Variants in GATB observed in about 807,000 individuals in gnomAD.
GATB encodes glutamyl-tRNA amidotransferase subunit B.
A neutral mutation model predicts 62.3 loss-of-function variants in GATB; 39 were observed. The observed-to-expected ratio is 0.63, with a 90% CI of 0.48 to 0.82. GATB has a LOEUF of 0.82. GATB is among the 40% of genes least tolerant of loss of function. The pLI is 0.00. For missense variants in GATB, 670 were observed against 684.0 expected (o/e 0.98, Z 0.23); for synonymous variants, 276 against 258.9 (o/e 1.07, Z -0.63).
At chr4:151,704,540 G>A (rs1272821063) in intron 7 of GATB, among the ~76,000 whole-genome samples, 9 of 151,418 alleles carry the variant, frequency 5.9e-5, no homozygotes, top group African/African-American at 1.9e-4. Flanking sequence ...TGCAAGCTCC[G>A]CCTCCTGGGT....
Position 151,701,340 on chromosome 4 carries a change from A to G in GATB, c.1186T>C (p.Phe396Leu). 6.4e-7 allele frequency: 1 copy of G among 1,553,790 alleles called. No individual in the cohort carries two copies. ...CGATCGATACCTACCAGCAAAGTGA[A>G]GCTGTGTTCCAGCAGCATCCCATAC... The part of the protein sequence containing the change: ...QQYGMLLEHS[F>L]TLLNEVGLLE... Residue 396 changes from phenylalanine to leucine, a missense_variant, in exon 9 of 13, where the codon TTC becomes CTC. Physicochemically the swap from Phe to Leu is conservative, Grantham distance 22 (BLOSUM62 0). Coordinates refer to ENST00000263985, the MANE Select transcript of GATB (RefSeq NM_004564.3).
Position 151,705,186 on chromosome 4 carries a change from C to T in GATB, c.961G>A (p.Gly321Arg), listed in dbSNP as rs377255036. ...GGACGCTCAGCAATGCGAACTCACC[C>T]CAGCTTGTGATGAAATGAGCGTGTT... Reference protein sequence around the residue: ...NETRSFHHKLGCTMSMRDKEG... With the variant: ...NETRSFHHKLRCTMSMRDKEG... Residue 321 changes from glycine (G) to arginine (R), a missense_variant and splice_region_variant, in exon 7 of 13, where the codon GGG becomes AGG. By Grantham distance (125) the Gly-to-Arg change is moderately radical (BLOSUM62 -2). Transcript: ENST00000263985. 2.5e-6 allele frequency: 4 copies of T among 1,609,794 alleles called. No homozygotes were observed. Among genetic ancestry groups the T allele is most frequent in the Non-Finnish European group, 3.4e-6 (4 of 1,176,332 alleles).
intron 10 of GATB, among the ~76,000 whole-genome samples, chr4:151,687,740 TC>T: frequency 6.6e-6 from 1 of 151,874 alleles, no homozygotes; most frequent in Non-Finnish European, 1.5e-5. Context: ...CTTCTCTCCC[TC>T]CCCCCTTCCT....
chr4:151,729,873 C>T (rs955579169), intron 2 of GATB, among the ~76,000 whole-genome samples: 4 of 152,088 alleles, frequency 2.6e-5, no homozygotes, highest in African/African-American at 4.8e-5. Flanking sequence ...TCATGGCAGA[C>T]GGGAGGCAGG....
Position 151,670,996 on chromosome 4 carries a change from T to G in GATB, c.*178A>C. ...GCTGCTGGTCGGCTGTGGAGGCACC[T>G]CCAGGCACAGGGCCTAGAGGGTGAG... On this transcript the variant is annotated 3_prime_UTR_variant, in exon 13 of 13. Transcript: ENST00000263985. 1 of 717,698 alleles carries G rather than the reference T, an allele frequency of 1.4e-6. No individual in the cohort carries two copies. Among genetic ancestry groups the G allele is most frequent in the Admixed American group, 2.7e-5 (1 of 36,684 alleles). The allele number at this position is 717,698 out of a possible 1,614,324, so 44.5% of individuals were successfully genotyped here.
intron 8 of GATB, among the ~76,000 whole-genome samples, chr4:151,702,957 T>C (rs1738635100): frequency 6.6e-6 from 1 of 152,098 alleles, no homozygotes; most frequent in African/African-American, 2.4e-5. Context: ...CTCACTATCA[T>C]TTGAGGCATC....
At chr4:151,753,449 G>T (rs1739761289) in intron 2 of GATB, among the ~76,000 whole-genome samples, 1 of 152,052 alleles carries the variant, frequency 6.6e-6, no homozygotes, top group African/African-American at 2.4e-5. Flanking sequence ...GCAAAGTGAG[G>T]CCCTCCTCCA....
intron 4 of GATB, 114 bp from the exon 5 acceptor site, chr4:151,716,245 CT>C: frequency 1.2e-6 from 1 of 863,470 alleles, no homozygotes; most frequent in Non-Finnish European, 1.7e-6. Flanking sequence ...CAGAGTGGTT[CT>C]AGCCTCTCAA....
rs1737840900 is a variant in GATB, at chr4:151,670,856, A to G, written c.*318T>C. The G allele has an allele frequency of 8.3e-6, 2 of 239,754 alleles. No individual in the cohort carries two copies. Among genetic ancestry groups the G allele is most frequent in the African/African-American group, 4.4e-5 (2 of 45,514 alleles). The allele number at this position is 239,754 out of a possible 1,614,324, so 14.9% of individuals were successfully genotyped here. On this transcript the variant is annotated 3_prime_UTR_variant, in exon 13 of 13. Coordinates refer to ENST00000263985, the MANE Select transcript of GATB (RefSeq NM_004564.3). ...AAGTTTTCTTAGAATGGGTAACAGTATCTCCAACATACATTTTATTTAGTT... is the reference window on the plus strand; with the variant it reads ...AAGTTTTCTTAGAATGGGTAACAGTGTCTCCAACATACATTTTATTTAGTT...
rs767226144 is a variant in GATB, at chr4:151,758,810, C to T, written c.289G>A (p.Val97Ile). 2.2e-5 allele frequency: 36 copies of T among 1,606,572 alleles called. 1 individual carries two copies. The South Asian group carries it at 3.5e-4, about 16-fold the overall frequency. The change falls in exon 2 of 13, where the codon GTT becomes ATT. Residue 97 changes from valine to isoleucine, a missense_variant. Coordinates refer to ENST00000263985, the MANE Select transcript of GATB (RefSeq NM_004564.3). Reference sequence around the variant, plus strand: ...GGTAGAGATGCATCAAAAAAAGAAACCAAAGAATTTGGAGGTGCTGAAAAG... The same window carrying T: ...GGTAGAGATGCATCAAAAAAAGAAATCAAAGAATTTGGAGGTGCTGAAAAG... ...VRFSAPPNSLVSFFDASLPGT... is the reference protein window; with the variant it reads ...VRFSAPPNSLISFFDASLPGT...
intron 5 of GATB, among the ~76,000 whole-genome samples, chr4:151,714,973 G>A (rs888648842): frequency 2.0e-5 from 3 of 152,210 alleles, no homozygotes; most frequent in Admixed American, 2.0e-4. Flanking sequence ...TCTGTCCTCA[G>A]ATTCAACATG....
chr4:151,721,987 A>T, intron 2 of GATB: 2 of 568,850 alleles, frequency 3.5e-6, no homozygotes, highest in African/African-American at 1.9e-5. Flanking sequence ...TTTTTTGATG[A>T]TTTAGAAGCC....
intron 2 of GATB, among the ~76,000 whole-genome samples, chr4:151,747,537 C>T (rs553146975): frequency 6.6e-6 from 1 of 152,252 alleles, no homozygotes; most frequent in East Asian, 1.9e-4. Flanking sequence ...GCAGAGGCCA[C>T]CAGGAATTCA....
At chr4:151,681,213 CTAA>C (rs1265773477) in intron 10 of GATB, among the ~76,000 whole-genome samples, 2 of 152,202 alleles carry the variant, frequency 1.3e-5, no homozygotes. Flanking sequence ...TTACTGTACT[CTAA>C]TTCAAGTGCA....
intron 2 of GATB, among the ~76,000 whole-genome samples, chr4:151,731,291 T>G (rs915230847): frequency 6.6e-6 from 1 of 152,168 alleles, no homozygotes; most frequent in Non-Finnish European, 1.5e-5. Flanking sequence ...GTTTTCGTAT[T>G]TTTTTGGTGG....
chr4:151,715,177 A>G (rs1183476541), intron 5 of GATB, among the ~76,000 whole-genome samples: 1 of 152,252 alleles, frequency 6.6e-6, no homozygotes, highest in Non-Finnish European at 1.5e-5. Context: ...TGCTGTGACC[A>G]TTGTACAGTG....
intron 8 of GATB, among the ~76,000 whole-genome samples, chr4:151,702,468 C>G (rs1037323082): frequency 6.6e-6 from 1 of 152,064 alleles, no homozygotes; most frequent in East Asian, 1.9e-4. Context: ...ATGTACCACA[C>G]AAACAAGGAA....
At chr4:151,750,116 C>T (rs576716314) in intron 2 of GATB, among the ~76,000 whole-genome samples, 3 of 152,318 alleles carry the variant, frequency 2.0e-5, no homozygotes, top group Non-Finnish European at 4.4e-5. Flanking sequence ...CTCCTGACCT[C>T]GTGATCCGCC....
intron 6 of GATB, among the ~76,000 whole-genome samples, chr4:151,705,975 A>C (rs771389713): frequency 6.6e-6 from 1 of 152,072 alleles, no homozygotes. Context: ...CCAGCCTGCT[A>C]AACTGCTTTA....
Sources: allele counts gnomAD v4.1 joint callset (sites outside exome capture counted in the v4.1 genomes callset), GRCh38; gene constraint gnomAD v4.1.1; transcripts MANE v1.5; gene names NCBI Gene and HGNC (gene_info 2026-07-23, HGNC 2026-07-21).